The following GPR173 variants were observed in gnomAD, a reference collection of about 807,000 sequenced individuals.
The protein encoded by GPR173 is probable G protein-coupled receptor 173.
Under a neutral mutation model 13.9 loss-of-function variants are expected in GPR173, and 2 were observed. The ratio of observed to expected loss-of-function variants is 0.14; its 90% CI spans 0.06 to 0.45. GPR173 has a LOEUF of 0.45. GPR173 is among the 20% of genes least tolerant of loss of function. The pLI, the probability that GPR173 is intolerant of heterozygous loss-of-function variation, is 0.98. For synonymous variants in GPR173, 131 were observed against 141.0 expected, an observed-to-expected ratio of 0.93 and a Z score of 0.50; for missense variants, 202 against 340.5, an observed-to-expected ratio of 0.59 and a Z score of 3.20.
chrX:53,063,538 A>G (rs1338219297), intron 1 of GPR173, among the ~76,000 whole-genome samples: 1 of 111,158 alleles, frequency 9.0e-6, no homozygotes, highest in Non-Finnish European at 1.9e-5. Flanking sequence ...ATGCTTTTGT[A>G]TTTTTTACAT....
chrX:53,072,802 G>A (rs1932280858), intron 1 of GPR173, among the ~76,000 whole-genome samples: 1 of 111,817 alleles, frequency 8.9e-6, no homozygotes, highest in African/African-American at 3.3e-5. Flanking sequence ...CACAGTCTGA[G>A]GGGGCTGTCA....
Position 53,077,336 on chromosome X carries a change from G to A in GPR173, c.715G>A (p.Gly239Ser), listed in dbSNP as rs1257803698. The A allele has an allele frequency of 8.4e-6, 10 of 1,195,319 alleles. No homozygotes were observed. The highest frequency in any genetic ancestry group is 1.1e-5 in the Non-Finnish European group (10 of 887,256). ...GACATTCCATGGTCCCGGGGCCACC[G>A]GCCAGGCTGCTGCCAACTGGATCGC... Reference protein sequence around the residue: ...NWTFHGPGATGQAAANWIAGF... With the variant: ...NWTFHGPGATSQAAANWIAGF... Residue 239 changes from glycine (G) to serine (S), a missense_variant, in exon 2 of 2, where the codon GGC becomes AGC. Around this residue, in one of 3 missense-constraint regions of GPR173, gnomAD observed 28 missense variants for 87.0 expected, o/e 0.32. Coordinates refer to ENST00000332582, the MANE Select transcript of GPR173 (RefSeq NM_018969.6).
At chrX:53,054,941 G>T (rs782146760) in intron 1 of GPR173, among the ~76,000 whole-genome samples, 26 of 109,668 alleles carry the variant, frequency 2.4e-4, no homozygotes, top group Non-Finnish European at 4.4e-4. Context: ...GTGTGTGATA[G>T]GGTGTATTGT....
chrX:53,077,466 A>C lies in GPR173; in HGVS notation c.845A>C (p.Lys282Thr). The change falls in exon 2 of 2, where the codon AAG becomes ACG. Residue 282 changes from lysine (K) to threonine (T), a missense_variant. Lys to Thr is a moderately conservative substitution (Grantham distance 78). Transcript: ENST00000332582. The stretch of plus-strand genomic sequence containing the variant: ...GGCATGGACGAGGTCAAGGGTGAAA[A>C]GCAGCTGGGCCGCATGTTCTACGCG... ...LLGMDEVKGEKQLGRMFYAIT... is the reference protein window; with the variant it reads ...LLGMDEVKGETQLGRMFYAIT... 1 of 1,210,911 alleles carries C rather than the reference A, an allele frequency of 8.3e-7. No individual in the cohort carries two copies. The highest frequency in any genetic ancestry group is 1.8e-5 in the South Asian group (1 of 56,822).
chrX:53,052,813 T>C (rs1350040993), intron 1 of GPR173, among the ~76,000 whole-genome samples: 1 of 110,205 alleles, frequency 9.1e-6, no homozygotes, highest in Non-Finnish European at 1.9e-5. Flanking sequence ...TGCATGTCAC[T>C]CTCAGCCTAC....
At chrX:53,061,316 T>C (rs1932123705) in intron 1 of GPR173, among the ~76,000 whole-genome samples, 2 of 111,765 alleles carry the variant, frequency 1.8e-5, no homozygotes, top group Non-Finnish European at 3.8e-5. Flanking sequence ...TGTGGGTATC[T>C]ACATGCATGC....
intron 1 of GPR173, among the ~76,000 whole-genome samples, chrX:53,075,114 C>G (rs782653981): frequency 9.3e-6 from 1 of 107,912 alleles, no homozygotes; most frequent in South Asian, 4.1e-4. Flanking sequence ...CCACCACATT[C>G]CCCTGACTCA....
chrX:53,075,491 C>T (rs1310333902), intron 1 of GPR173, among the ~76,000 whole-genome samples: 3 of 105,517 alleles, frequency 2.8e-5, no homozygotes, highest in Admixed American at 1.1e-4. Context: ...CTGTGTAGTT[C>T]ACAGCTGTAT....
intron 1 of GPR173, among the ~76,000 whole-genome samples, chrX:53,050,874 C>T (rs782529619): frequency 1.8e-4 from 20 of 111,389 alleles, no homozygotes; most frequent in Non-Finnish European, 2.8e-4. Context: ...CTCCCTCCCC[C>T]ACCCCACTCC....
At chrX:53,050,921 A>G (rs1020771487) in intron 1 of GPR173, among the ~76,000 whole-genome samples, 4 of 111,355 alleles carry the variant, frequency 3.6e-5, no homozygotes, top group Non-Finnish European at 7.6e-5. Flanking sequence ...GTTTGTGCGC[A>G]CACACACACA....
At position 53,076,963 on chromosome X, in the gene GPR173, G is replaced by A. The variant is rs1556805912; in HGVS notation, c.342G>A (p.Leu114=). The change falls in exon 2 of 2, where the codon CTG becomes CTA. Residue 114 remains leucine, a synonymous_variant. Transcript: ENST00000332582. ...VLFCFHAAFM[L]FCISVTRYMA... ...TTTGCTTCCATGCGGCCTTCATGCTGTTCTGCATCAGCGTCACCCGCTACA... is the reference window on the plus strand; with the variant it reads ...TTTGCTTCCATGCGGCCTTCATGCTATTCTGCATCAGCGTCACCCGCTACA... 1 of 1,210,037 alleles carries A rather than the reference G, an allele frequency of 8.3e-7. No homozygotes were observed. Among genetic ancestry groups the A allele is most frequent in the East Asian group, 3.0e-5 (1 of 33,857 alleles).
intron 1 of GPR173, 102 bp from the exon 2 acceptor site, chrX:53,076,423 T>C (rs781950496): frequency 2.7e-6 from 1 of 376,194 alleles, no homozygotes; most frequent in African/African-American, 2.6e-5. Flanking sequence ...CTGTTGTGTT[T>C]TTCTGCCTGT....
At chrX:53,050,239 G>T (rs1340899816) in intron 1 of GPR173, among the ~76,000 whole-genome samples, 2 of 111,262 alleles carry the variant, frequency 1.8e-5, no homozygotes, top group Non-Finnish European at 3.8e-5. Context: ...CTGCCTGATG[G>T]TTCTGTGGGG....
rs782651629 is a variant in GPR173, at chrX:53,076,636, C to T, written c.15C>T (p.Thr5=). MANT[T]GEPEEVSGAL... is the part of the protein sequence containing the mutation. ...TGACCCTCAGTATGGCCAACACTAC[C>T]GGAGAGCCTGAGGAGGTGAGCGGCG... Residue 5 remains threonine, a synonymous_variant, in exon 2 of 2, where the codon ACC becomes ACT. Transcript: ENST00000332582. The T allele has an allele frequency of 8.4e-6, 10 of 1,187,694 alleles. No homozygotes were observed. Among genetic ancestry groups the T allele is most frequent in the African/African-American group, 1.8e-5 (1 of 57,082 alleles).
At chrX:53,056,008 TGTA>T (rs1367750782) in intron 1 of GPR173, among the ~76,000 whole-genome samples, 1 of 108,713 alleles carries the variant, frequency 9.2e-6, no homozygotes, top group Non-Finnish European at 1.9e-5. Flanking sequence ...TGTGGGTAAG[TGTA>T]GTGCCTTTGG....
intron 1 of GPR173, among the ~76,000 whole-genome samples, chrX:53,059,791 CAAA>C (rs199585364): frequency 3.3e-4 from 21 of 63,999 alleles, no homozygotes; most frequent in East Asian, 5.0e-4. Context: ...GACCATGTCT[CAAA>C]AAAAAAAAAA....
intron 1 of GPR173, among the ~76,000 whole-genome samples, chrX:53,073,615 T>G (rs1431761246): frequency 9.4e-6 from 1 of 106,580 alleles, no homozygotes; most frequent in Non-Finnish European, 1.9e-5. Flanking sequence ...CTCAATCAAT[T>G]CATTTGATAT....
intron 1 of GPR173, among the ~76,000 whole-genome samples, chrX:53,071,544 T>G (rs1932257370): frequency 8.9e-6 from 1 of 112,009 alleles, no homozygotes; most frequent in African/African-American, 3.3e-5. Flanking sequence ...TACTTAAAAG[T>G]CCAAAGTCCT....
Position 53,076,661 on chromosome X carries a change from G to A in GPR173, c.40G>A (p.Ala14Thr), listed in dbSNP as rs373186000. 8.3e-6 allele frequency: 10 copies of A among 1,199,716 alleles called. No individual in the cohort carries two copies. Among genetic ancestry groups the A allele is most frequent in the Admixed American group, 2.2e-5 (1 of 45,441 alleles). ...TTGEPEEVSG[A>T]LSPPSASAYV... ...CGGAGAGCCTGAGGAGGTGAGCGGC[G>A]CTCTGTCCCCACCGTCCGCATCAGC... Residue 14 changes from alanine (A) to threonine (T), a missense_variant, in exon 2 of 2, where the codon GCT (alanine) becomes ACT (threonine). Transcript: ENST00000332582.
Sources: allele counts gnomAD v4.1 joint callset (sites outside exome capture counted in the v4.1 genomes callset), GRCh38; gene constraint gnomAD v4.1.1; regional missense constraint gnomAD v4.1.1; transcripts MANE v1.5; gene names NCBI Gene and HGNC (gene_info 2026-07-23, HGNC 2026-07-21).